Variants in CDH22 observed in about 807,000 individuals in gnomAD.
The protein encoded by CDH22 is cadherin-22.
Under a neutral mutation model 58.4 loss-of-function variants are expected in CDH22, and 30 were observed. The observed-to-expected ratio is 0.51, with a 90% CI of 0.38 to 0.70. The LOEUF is 0.70. CDH22 is among the 30% of genes least tolerant of loss of function. CDH22 has a pLI of 0.00. For missense variants in CDH22, 1,014 were observed against 1,233.9 expected (o/e 0.82, Z 2.67); for synonymous variants, 513 against 558.2 (o/e 0.92, Z 1.14).
chr20:46,174,498 GC>G lies in CDH22; in HGVS notation c.*7del. On this transcript the variant is annotated 3_prime_UTR_variant, in exon 12 of 12. Transcript: ENST00000537909. The surrounding 1 kb of genome is among the most constrained non-coding windows in gnomAD (Gnocchi z 4.4). The stretch of plus-strand genomic sequence containing the variant: ...TGAGCAGCCGCGCCCCGACGGCAGG[GC>G]GAGGGGCTAGGAGGCCTGGGCCTCG... 1 of 1,482,190 alleles carries G rather than the reference GC, an allele frequency of 6.7e-7. No individual in the cohort carries two copies. The highest frequency in any genetic ancestry group is 8.9e-7 in the Non-Finnish European group (1 of 1,122,924). The allele number at this position is 1,482,190 out of a possible 1,614,324, so 91.8% of individuals were successfully genotyped here.
intron 7 of CDH22, among the ~76,000 whole-genome samples, chr20:46,200,940 G>C (rs978458461): frequency 3.3e-5 from 5 of 152,192 alleles, no homozygotes; most frequent in African/African-American, 1.2e-4. Flanking sequence ...ACGGCCGCCG[G>C]CTCCTCCCGC....
At chr20:46,197,966 G>A (rs909753427) in intron 8 of CDH22, among the ~76,000 whole-genome samples, 33 of 152,104 alleles carry the variant, frequency 2.2e-4, no homozygotes, top group African/African-American at 7.2e-4. Flanking sequence ...ATCCTGATGG[G>A]CAGAGGCGAG....
intron 5 of CDH22, among the ~76,000 whole-genome samples, chr20:46,215,491 G>A (rs1423561881): frequency 6.6e-6 from 1 of 152,162 alleles, no homozygotes; most frequent in Non-Finnish European, 1.5e-5. Flanking sequence ...CTCAAAAGAT[G>A]ACCATCACAA....
chr20:46,258,865 A>C (rs1315596494), intron 1 of CDH22, among the ~76,000 whole-genome samples: 1 of 152,246 alleles, frequency 6.6e-6, no homozygotes, highest in Non-Finnish European at 1.5e-5. Context: ...CACTGACTGC[A>C]GGGTCCCAGG....
chr20:46,241,173 C>G lies in CDH22; in HGVS notation c.340G>C (p.Glu114Gln). Reference protein sequence around the residue: ...EGAGTIFLIDELTGDIHAMER... With the variant: ...EGAGTIFLIDQLTGDIHAMER... ...ATGGCATGAATGTCGCCTGTCAGCTCGTCGATCAGGAAGATGGTCCCAGCA... is the reference window on the plus strand; with the variant it reads ...ATGGCATGAATGTCGCCTGTCAGCTGGTCGATCAGGAAGATGGTCCCAGCA... The change falls in exon 3 of 12, where the codon GAG (glutamate) becomes CAG (glutamine). Residue 114 changes from glutamate to glutamine, a missense_variant. Around this residue, in one of 2 missense-constraint regions of CDH22, gnomAD observed 806 missense variants for 1,038.7 expected, o/e 0.78. Coordinates refer to ENST00000537909, the MANE Select transcript of CDH22 (RefSeq NM_021248.3). The surrounding 1 kb of genome is among the most constrained non-coding windows in gnomAD (Gnocchi z 5.2). The G allele has an allele frequency of 3.1e-6, 5 of 1,614,110 alleles. No homozygotes were observed. Among genetic ancestry groups the G allele is most frequent in the Non-Finnish European group, 3.4e-6 (4 of 1,180,002 alleles).
chr20:46,268,278 C>T (rs973374205), intron 1 of CDH22, among the ~76,000 whole-genome samples: 1 of 152,240 alleles, frequency 6.6e-6, no homozygotes, highest in African/African-American at 2.4e-5. Context: ...GGCCTGGCCC[C>T]GCTCCGAGGG....
intron 1 of CDH22, among the ~76,000 whole-genome samples, chr20:46,259,431 C>A (rs1350859963): frequency 6.6e-6 from 1 of 152,156 alleles, no homozygotes; most frequent in Non-Finnish European, 1.5e-5. Flanking sequence ...TATCAGTGAA[C>A]CAAAATCTAG....
rs2085717004 is a variant in CDH22, at chr20:46,174,224, G to C, written c.*282C>G. On this transcript the variant is annotated 3_prime_UTR_variant, in exon 12 of 12. Transcript: ENST00000537909. This position sits in a 1 kb window ranked among gnomAD's most constrained non-coding sequence, Gnocchi z 4.4. ...ACCCGCCCCTTCCCGACTCTGCAAC[G>C]CCACCCCCATCTCCCATTCTAACCC... The C allele has an allele frequency of 6.8e-6, 3 of 438,950 alleles. No homozygotes were observed. In the Admixed American group the frequency reaches 1.4e-4, roughly 20 times the overall value. 27.2% of individuals were successfully genotyped at this position (438,950 alleles called of 1,614,324 possible).
chr20:46,174,641 C>A lies in CDH22; in HGVS notation c.2352G>T (p.Ser784=), dbSNP rs1275916330. The part of the protein sequence containing the change: ...AFEGADSPAA[S]LSSLHSGSSG... ...ACGAGCCGCTGTGCAGGGAGCTGAG[C>A]GAGGCGGCCGGCGAGTCCGCGCCCT... The change falls in exon 12 of 12, where the codon TCG becomes TCT. Residue 784 remains serine (S), a synonymous_variant. Coordinates refer to ENST00000537909, the MANE Select transcript of CDH22 (RefSeq NM_021248.3). The surrounding 1 kb of genome is among the most constrained non-coding windows in gnomAD (Gnocchi z 4.4). 1.3e-6 allele frequency: 2 copies of A among 1,552,788 alleles called. No homozygotes were observed. Among genetic ancestry groups the A allele is most frequent in the African/African-American group, 1.4e-5 (1 of 74,060 alleles).
intron 1 of CDH22, among the ~76,000 whole-genome samples, chr20:46,281,847 C>A (rs552774979): frequency 5.2e-5 from 8 of 152,388 alleles, no homozygotes; most frequent in African/African-American, 1.7e-4. Context: ...TCATAAAAAT[C>A]ACAGCTCCTG....
At chr20:46,194,210 T>C (rs562252442) in intron 8 of CDH22, among the ~76,000 whole-genome samples, 167 of 152,170 alleles carry the variant, frequency 1.1e-3, no homozygotes, top group Non-Finnish European at 1.9e-3. Flanking sequence ...CCAAGCCTCG[T>C]TCATCACTGG....
At chr20:46,265,068 C>T (rs926586342) in intron 1 of CDH22, among the ~76,000 whole-genome samples, 12 of 152,184 alleles carry the variant, frequency 7.9e-5, no homozygotes, top group African/African-American at 2.9e-4. Flanking sequence ...CCGGCAGAGC[C>T]GTGCTGTACA....
At chr20:46,247,840 G>A (rs1402379169) in intron 2 of CDH22, among the ~76,000 whole-genome samples, 1 of 152,204 alleles carries the variant, frequency 6.6e-6, no homozygotes, top group Non-Finnish European at 1.5e-5. Context: ...CTCCCTGGAT[G>A]GAGTGTTTTT....
intron 4 of CDH22, among the ~76,000 whole-genome samples, chr20:46,219,488 A>AGT (rs139050034): frequency 1.5e-4 from 22 of 151,586 alleles, no homozygotes; most frequent in South Asian, 4.2e-4. Flanking sequence ...AATTCTCTGT[A>AGT]GTGTGTGTGT....
Position 46,241,835 on chromosome 20 carries a change from C to A in CDH22, c.256-578G>T, listed in dbSNP as rs1268002681. Among the ~76,000 whole-genome samples the A allele has an allele frequency of 2.0e-5, 3 of 152,218 alleles. No individual in the cohort carries two copies. The highest frequency in any genetic ancestry group is 7.2e-5 in the African/African-American group (3 of 41,456). On this transcript the variant is annotated intron_variant, in intron 2 of 11. Coordinates refer to ENST00000537909, the MANE Select transcript of CDH22 (RefSeq NM_021248.3). The surrounding 1 kb of genome is among the most constrained non-coding windows in gnomAD (Gnocchi z 5.2). ...CCAGCACTTCTCAAACTCTAGTATG[C>A]ATGCAGTTCACCTGGGGATCTTGTT...
In CDH22 at chr20:46,174,677, G is replaced by A. The variant is rs1361780839; in HGVS notation, c.2316C>T (p.Thr772=). Residue 772 remains threonine, a synonymous_variant, in exon 12 of 12, where the codon ACC becomes ACT. Transcript: ENST00000537909. This position sits in a 1 kb window ranked among gnomAD's most constrained non-coding sequence, Gnocchi z 4.4. ...GCGAGTCCGCGCCCTCGAAGGCGTA[G>A]GTCTGGAAGGCGTCGTAGGGCGGCA... The part of the protein sequence containing the change: ...LSVPPYDAFQ[T]YAFEGADSPA... 1.9e-5 allele frequency: 30 copies of A among 1,560,798 alleles called. No individual in the cohort carries two copies. The highest frequency in any genetic ancestry group is 2.6e-5 in the Non-Finnish European group (30 of 1,160,676).
In CDH22 at chr20:46,186,955, G is replaced by A; in HGVS notation, c.1424-8C>T. On this transcript the variant is annotated splice_region_variant and splice_polypyrimidine_tract_variant and intron_variant, in intron 8 of 11. Transcript: ENST00000537909. Reference sequence around the variant, plus strand: ...ATAGCTGTGCATGATTGTCTGTAATGAGAGCACAGGAGCAAGGGGAGAGGC... The same window carrying A: ...ATAGCTGTGCATGATTGTCTGTAATAAGAGCACAGGAGCAAGGGGAGAGGC... 2 of 1,568,068 alleles carry A rather than the reference G, an allele frequency of 1.3e-6. No individual in the cohort carries two copies. The highest frequency in any genetic ancestry group is 2.4e-5 in the South Asian group (2 of 82,660).
In CDH22 at chr20:46,258,059, G is replaced by A. The variant is rs1046503448; in HGVS notation, c.-399-6366C>T. 7.2e-5 allele frequency among the ~76,000 whole-genome samples: 11 copies of A among 152,272 alleles called. No individual in the cohort carries two copies. The South Asian group carries it at 1.5e-3, about 20-fold the overall frequency. Reference sequence around the variant, plus strand: ...ACTGTTAATAATGTTCCCCCAGTTTGGATGATAAATCATGTGATCCTACTG... The same window carrying A: ...ACTGTTAATAATGTTCCCCCAGTTTAGATGATAAATCATGTGATCCTACTG... On this transcript the variant is annotated intron_variant, in intron 1 of 11. Transcript: ENST00000537909.
At chr20:46,270,906 C>T (rs6104524) in intron 1 of CDH22, among the ~76,000 whole-genome samples, 11 of 152,210 alleles carry the variant, frequency 7.2e-5, no homozygotes, top group South Asian at 4.1e-4. Flanking sequence ...GGCAGGCCAC[C>T]TCATCTCTCT....
Sources: allele counts gnomAD v4.1 joint callset (sites outside exome capture counted in the v4.1 genomes callset), GRCh38; gene constraint gnomAD v4.1.1; regional missense constraint gnomAD v4.1.1; non-coding constraint Gnocchi (gnomAD v3.1); transcripts MANE v1.5; gene names NCBI Gene and HGNC (gene_info 2026-07-23, HGNC 2026-07-21).